DCT: variants seen among roughly 807,000 people sequenced by gnomAD.
DCT encodes the protein dopachrome tautomerase.
A neutral mutation model predicts 53.0 loss-of-function variants in DCT; 47 were observed. The ratio of observed to expected loss-of-function variants is 0.89; its 90% confidence interval spans 0.70 to 1.13. The LOEUF (loss-of-function observed/expected upper bound fraction) is 1.13. Ranked by LOEUF, DCT falls within the 50% of genes most tolerant of loss-of-function variation. The probability of loss-of-function intolerance (pLI) is 0.00; values close to 1 mark genes in which losing one functional copy is unlikely to be tolerated. For synonymous variants in DCT, 244 were observed against 237.0 expected (o/e 1.03, Z -0.27); for missense variants, 669 against 637.4 (o/e 1.05, Z -0.53).
chr13:94,491,468 C>G, the DCT span, among the ~76,000 whole-genome samples: 1 of 152,280 alleles, frequency 6.6e-6, no homozygotes, highest in Non-Finnish European at 1.5e-5. Flanking sequence ...TGACCTGACT[C>G]CTAAATAAGG....
chr13:94,454,966 C>T (rs2139308474), intron 6 of DCT, among the ~76,000 whole-genome samples: 1 of 152,186 alleles, frequency 6.6e-6, no homozygotes, highest in African/African-American at 2.4e-5. Flanking sequence ...TAACATTAAG[C>T]ACATTAGAAA....
the DCT span, among the ~76,000 whole-genome samples, chr13:94,527,370 T>C: frequency 6.6e-6 from 1 of 152,088 alleles, no homozygotes; most frequent in Admixed American, 6.5e-5. Context: ...GGGAAACATC[T>C]CCCAGTAGGG....
intron 5 of DCT, among the ~76,000 whole-genome samples, chr13:94,460,598 TA>T (rs1555332768): frequency 1.3e-5 from 2 of 152,118 alleles, no homozygotes; most frequent in Non-Finnish European, 2.9e-5. Flanking sequence ...TATAATCTGA[TA>T]TTTATATTTC....
the DCT span, among the ~76,000 whole-genome samples, chr13:94,547,495 T>C: frequency 6.6e-6 from 1 of 152,122 alleles, no homozygotes; most frequent in African/African-American, 2.4e-5. Flanking sequence ...TGCCCTTCAG[T>C]CGAATTCTTT....
In DCT at chr13:94,479,391, T is replaced by TA. The variant is rs1354069880; in HGVS notation, c.-137dup. ...TCTTTGCTTTCTATTCCTTTCTTCTTAAAAAAATACCCACAAGAATCACAG... is the reference window on the plus strand; with the variant it reads ...TCTTTGCTTTCTATTCCTTTCTTCTTAAAAAAAATACCCACAAGAATCACAG... On this transcript the variant is annotated 5_prime_UTR_variant, in exon 1 of 8. It removes the in-frame stop codon of an upstream open reading frame in the 5' UTR. Transcript: ENST00000377028. The TA allele has an allele frequency of 1.4e-5, 12 of 840,664 alleles. No individual in the cohort carries two copies. The highest frequency in any genetic ancestry group is 5.7e-5 in the South Asian group (3 of 52,234). 52.1% of individuals were successfully genotyped at this position (840,664 alleles called of 1,614,324 possible). A position where few individuals can be genotyped will look rare whatever the true frequency, so the allele number is the denominator to read the frequency against.
chr13:94,496,245 G>A, the DCT span, among the ~76,000 whole-genome samples: 556 of 152,204 alleles, frequency 3.7e-3, 3 homozygotes, highest in African/African-American at 0.013. Context: ...CTGGGCTGGA[G>A]TACAGTGCCA....
At chr13:94,477,090 T>C (rs1885135885) in intron 1 of DCT, among the ~76,000 whole-genome samples, 2 of 152,000 alleles carry the variant, frequency 1.3e-5, no homozygotes, top group Non-Finnish European at 1.5e-5. Context: ...AAGCCAGAAC[T>C]ATTTATTTAT....
At chr13:94,474,727 G>A (rs1884967196) in intron 1 of DCT, among the ~76,000 whole-genome samples, 1 of 152,106 alleles carries the variant, frequency 6.6e-6, no homozygotes, top group Non-Finnish European at 1.5e-5. Context: ...AAGCTCAGTG[G>A]CTTTTTTGTT....
At chr13:94,442,541 G>A (rs1227558231) in intron 7 of DCT, among the ~76,000 whole-genome samples, 2 of 152,204 alleles carry the variant, frequency 1.3e-5, no homozygotes, top group African/African-American at 4.8e-5. Flanking sequence ...TTTAAATGGT[G>A]TGTGGAGCCA....
the DCT span, among the ~76,000 whole-genome samples, chr13:94,487,358 T>C: frequency 1.3e-5 from 2 of 152,242 alleles, no homozygotes; most frequent in African/African-American, 4.8e-5. Context: ...AAAAGGGATG[T>C]TCTGCATACT....
At chr13:94,546,012 C>A in the DCT span, among the ~76,000 whole-genome samples, 1 of 152,084 alleles carries the variant, frequency 6.6e-6, no homozygotes, top group Non-Finnish European at 1.5e-5. The surrounding 1 kb of genome is among the most constrained non-coding windows in gnomAD (Gnocchi z 4.2). Context: ...TGAGAAAGCC[C>A]AAGACTGACA....
At chr13:94,492,515 T>C in the DCT span, among the ~76,000 whole-genome samples, 2 of 152,314 alleles carry the variant, frequency 1.3e-5, no homozygotes, top group South Asian at 2.1e-4. Flanking sequence ...TTAATATTTA[T>C]ACCTAATATC....
the DCT span, among the ~76,000 whole-genome samples, chr13:94,518,138 GA>G: frequency 6.8e-6 from 1 of 147,248 alleles, no homozygotes; most frequent in Non-Finnish European, 1.5e-5. Flanking sequence ...AGGAAGGAAG[GA>G]AGGAAGGAAG....
chr13:94,496,167 C>T, the DCT span, among the ~76,000 whole-genome samples: 1 of 152,106 alleles, frequency 6.6e-6, no homozygotes, highest in Non-Finnish European at 1.5e-5. Flanking sequence ...GTAGTCTATA[C>T]TTGTTTTTGG....
chr13:94,475,821 C>T (rs1384077542), intron 1 of DCT, among the ~76,000 whole-genome samples: 1 of 152,226 alleles, frequency 6.6e-6, no homozygotes, highest in East Asian at 1.9e-4. Flanking sequence ...TAATTATGTG[C>T]AGTGTTCTGT....
chr13:94,505,861 C>T, the DCT span, among the ~76,000 whole-genome samples: 2 of 152,186 alleles, frequency 1.3e-5, no homozygotes, highest in Admixed American at 6.5e-5. Context: ...GGAACTAAGG[C>T]CCTCAGTCCA....
Position 94,479,081 on chromosome 13 carries a change from C to A in DCT, c.175G>T (p.Gly59Trp), listed in dbSNP as rs765400592. Residue 59 changes from glycine to tryptophan, a missense_variant, in exon 1 of 8, where the codon GGG (glycine) becomes TGG (tryptophan). Transcript: ENST00000377028. ...TCGGCTCGCACCTCTGTGCACTGCC[C>A]CCGGCCTTGCTGAGAGCCACAGACA... is the stretch of plus-strand genomic sequence containing the variant. ...ANVCGSQQGR[G>W]QCTEVRADTR... is the part of the protein sequence containing the mutation. 6.2e-7 allele frequency: 1 copy of A among 1,614,108 alleles called. No individual in the cohort carries two copies. Among genetic ancestry groups the A allele is most frequent in the African/African-American group, 1.3e-5 (1 of 74,938 alleles).
chr13:94,522,501 T>TAG, the DCT span, among the ~76,000 whole-genome samples: 2 of 150,394 alleles, frequency 1.3e-5, no homozygotes, highest in Non-Finnish European at 2.9e-5. Flanking sequence ...AATTCCCCTT[T>TAG]ATATATATAT....
At chr13:94,504,624 C>A in the DCT span, among the ~76,000 whole-genome samples, 1 of 152,180 alleles carries the variant, frequency 6.6e-6, no homozygotes, top group Admixed American at 6.5e-5. Context: ...CCACTTTGGC[C>A]TTTCAAAGTG....
Sources: allele counts gnomAD v4.1 joint callset (sites outside exome capture counted in the v4.1 genomes callset), GRCh38; gene constraint gnomAD v4.1.1; non-coding constraint Gnocchi (gnomAD v3.1); transcripts MANE v1.5; gene names NCBI Gene and HGNC (gene_info 2026-07-23, HGNC 2026-07-21).